DHODH: variants seen among roughly 807,000 people sequenced by gnomAD.
The protein encoded by DHODH is dihydroorotate dehydrogenase (quinone).
Under a neutral mutation model 39.7 loss-of-function variants are expected in DHODH, and 30 were observed. The ratio of observed to expected loss-of-function variants is 0.76; its 90% CI spans 0.57 to 1.02. DHODH has a LOEUF of 1.02. DHODH is among the 50% of genes least tolerant of loss of function. The pLI, the probability that DHODH is intolerant of heterozygous loss-of-function variation, is 0.00. For missense variants in DHODH, 531 were observed against 520.8 expected (o/e 1.02, Z -0.19); for synonymous variants, 222 against 213.8 (o/e 1.04, Z -0.34).
intron 2 of DHODH, 134 bp downstream of exon 2, chr16:72,012,396 C>A: frequency 2.7e-6 from 2 of 750,806 alleles, no homozygotes; most frequent in Non-Finnish European, 4.6e-6. Context: ...TCAGTCTGAG[C>A]ATTATTATTT....
chr16:72,018,068 CTGGCCACAACATGCA>C lies in DHODH; in HGVS notation c.517+964_517+978del, dbSNP rs752067898. Among the ~76,000 whole-genome samples the C allele has an allele frequency of 2.6e-5, 4 of 151,616 alleles. 1 individual carries two copies. The highest frequency in any genetic ancestry group is 3.9e-4 in the East Asian group (2 of 5,168). On this transcript the variant is annotated intron_variant, in intron 4 of 8. Transcript: ENST00000219240. The stretch of plus-strand genomic sequence containing the variant: ...GGATTACAGGCGTGAGCCACCGCGC[CTGGCCACAACATGCA>C]TTTTTGAAGACGCCTCCGGCGATGC...
intron 4 of DHODH, among the ~76,000 whole-genome samples, chr16:72,019,918 G>C (rs558940639): frequency 6.6e-6 from 1 of 152,334 alleles, no homozygotes; most frequent in South Asian, 2.1e-4. Flanking sequence ...AAGGCAAGCG[G>C]ATCATTTGAG....
intron 1 of DHODH, chr16:72,009,000 T>G (rs2041051626): frequency 6.8e-7 from 1 of 1,466,240 alleles, no homozygotes. Flanking sequence ...CCTGCAGGTC[T>G]GGGTGGGTGC....
chr16:72,011,941 T>C, intron 1 of DHODH, 109 bp from the exon 2 acceptor site: 4 of 826,466 alleles, frequency 4.8e-6, no homozygotes, highest in South Asian at 4.4e-5. Flanking sequence ...TAAGGGCGTC[T>C]GTTTCATGTG....
chr16:72,014,687 C>G lies in DHODH; in HGVS notation c.434+15C>G, dbSNP rs745400739. Reference sequence around the variant, plus strand: ...GTCATTAACAGGTAGGTGAGCGGCCCAGAGTTAACGGGGGATGCCCTCTTT... The same window carrying G: ...GTCATTAACAGGTAGGTGAGCGGCCGAGAGTTAACGGGGGATGCCCTCTTT... On this transcript the variant is annotated intron_variant, in intron 3 of 8. Transcript: ENST00000219240. 6.2e-7 allele frequency: 1 copy of G among 1,613,686 alleles called. No individual in the cohort carries two copies. Among genetic ancestry groups the G allele is most frequent in the Non-Finnish European group, 8.5e-7 (1 of 1,179,856 alleles).
rs1238428614 is a variant in DHODH, at chr16:72,024,132, GCT to G, written c.1134-10_1134-9del. 15 of 1,614,148 alleles carry G rather than the reference GCT, an allele frequency of 9.3e-6. No homozygotes were observed. Among genetic ancestry groups the G allele is most frequent in the Non-Finnish European group, 1.3e-5 (15 of 1,180,000 alleles). On this transcript the variant is annotated splice_polypyrimidine_tract_variant and intron_variant, in intron 8 of 8. Coordinates refer to ENST00000219240, the MANE Select transcript of DHODH (RefSeq NM_001361.5). The stretch of plus-strand genomic sequence containing the variant: ...ACTGTTTGCTGAAATTGCTTTGTTT[GCT>G]CTTTTTCCAGAGAGCAGGGCTTTGG...
intron 6 of DHODH, 107 bp from the exon 7 acceptor site, chr16:72,023,058 C>A (rs879211888): frequency 1.9e-6 from 2 of 1,070,162 alleles, no homozygotes; most frequent in South Asian, 1.3e-5. Context: ...GCTTTGGGGG[C>A]TGTAGGTGTG....
chr16:72,013,128 C>A (rs148011690), intron 2 of DHODH, among the ~76,000 whole-genome samples: 4 of 151,996 alleles, frequency 2.6e-5, no homozygotes, highest in African/African-American at 7.3e-5. Flanking sequence ...ATTAAAGGGG[C>A]CTTCACCGCA....
Position 72,023,439 on chromosome 16 carries a change from C to T in DHODH, c.974-35C>T, listed in dbSNP as rs2041244382. On this transcript the variant is annotated intron_variant, in intron 7 of 8. Coordinates refer to ENST00000219240, the MANE Select transcript of DHODH (RefSeq NM_001361.5). ...GGGGACTCTGGGGCTGAAGCCACAT[C>T]CTTCTTTATGGTGTCGCCATGTGCT... is the stretch of plus-strand genomic sequence containing the variant. The T allele has an allele frequency of 6.8e-6, 11 of 1,614,128 alleles. No homozygotes were observed. The South Asian group carries it at 7.7e-5, about 11-fold the overall frequency.
chr16:72,017,167 G>GTTCC, intron 4 of DHODH, 61 bp downstream of exon 4: 2 of 1,532,896 alleles, frequency 1.3e-6, no homozygotes, highest in Non-Finnish European at 9.0e-7. Context: ...TGGGAGAAAT[G>GTTCC]CTGGGAACAT....
chr16:72,014,137 G>A (rs938228200), intron 2 of DHODH, among the ~76,000 whole-genome samples: 10 of 152,274 alleles, frequency 6.6e-5, no homozygotes, highest in Middle Eastern at 3.4e-3. Flanking sequence ...TTGATAAGAA[G>A]GTATGAACCT....
chr16:72,023,634 G>A lies in DHODH; in HGVS notation c.1133+1G>A, dbSNP rs2041248370. On this transcript the variant is annotated splice_donor_variant, in intron 8 of 8. Coordinates refer to ENST00000219240, the MANE Select transcript of DHODH (RefSeq NM_001361.5). LOFTEE classifies it high-confidence loss of function. ...AGCGGGAACTGGAGGCCCTTCTGAA[G>A]TGAGTGAGGTCATGTGTGGCTTGAA... 1 of 1,613,738 alleles carries A rather than the reference G, an allele frequency of 6.2e-7. No homozygotes were observed. The highest frequency in any genetic ancestry group is 2.2e-5 in the East Asian group (1 of 44,882).
At chr16:72,016,822 G>A (rs2041146580) in intron 3 of DHODH, 1 of 574,346 alleles carries the variant, frequency 1.7e-6, no homozygotes, top group Admixed American at 2.4e-5. Context: ...AGCTGGCTGA[G>A]CATTTGCAAA....
chr16:72,013,822 T>G (rs555913205), intron 2 of DHODH: 7 of 154,384 alleles, frequency 4.5e-5, no homozygotes, highest in African/African-American at 1.7e-4. Context: ...TTGGAGCATC[T>G]CTCTTAATCC....
In DHODH at chr16:72,023,223, A is replaced by G. The variant is rs2041241213; in HGVS notation, c.878A>G (p.Gln293Arg). The G allele has an allele frequency of 6.2e-7, 1 of 1,614,066 alleles. No homozygotes were observed. The highest frequency in any genetic ancestry group is 8.5e-7 in the Non-Finnish European group (1 of 1,180,038). ...NTTVSRPAGLQGALRSETGGL... is the reference protein window; with the variant it reads ...NTTVSRPAGLRGALRSETGGL... ...ACCGTGAGTCGCCCTGCGGGCCTCC[A>G]GGGTGCCCTGCGCTCTGAAACAGGA... The change falls in exon 7 of 9, where the codon CAG becomes CGG. Residue 293 changes from glutamine (Q) to arginine (R), a missense_variant. Gln to Arg is a conservative substitution (Grantham distance 43). Transcript: ENST00000219240.
At chr16:72,008,935 A>G (rs2041050788) in intron 1 of DHODH, 150 bp downstream of exon 1, 1 of 1,524,156 alleles carries the variant, frequency 6.6e-7, no homozygotes, top group Non-Finnish European at 8.8e-7. Context: ...GTCTCCTGCA[A>G]ATGCTCGTGC....
At chr16:72,009,105 C>A (rs889914979) in intron 1 of DHODH, 3 of 1,296,614 alleles carry the variant, frequency 2.3e-6, no homozygotes, top group African/African-American at 3.0e-5. Context: ...CCGGATCCAA[C>A]GGGGAATGAA....
rs774907041 is a variant in DHODH, at chr16:72,022,478, T to A, written c.819+3T>A. On this transcript the variant is annotated splice_donor_region_variant and intron_variant, in intron 6 of 8. Coordinates refer to ENST00000219240, the MANE Select transcript of DHODH (RefSeq NM_001361.5). Reference sequence around the variant, plus strand: ...ACATTGCCAGTGTGGTCAAAGAGGTTTGAGTCGGGGCCTGGGCCCAGGGTG... The same window carrying A: ...ACATTGCCAGTGTGGTCAAAGAGGTATGAGTCGGGGCCTGGGCCCAGGGTG... The A allele has an allele frequency of 6.5e-7, 1 of 1,549,952 alleles. No individual in the cohort carries two copies. The highest frequency in any genetic ancestry group is 8.7e-7 in the Non-Finnish European group (1 of 1,146,760).
intron 4 of DHODH, among the ~76,000 whole-genome samples, chr16:72,019,114 CCTGA>C (rs1358022121): frequency 6.6e-6 from 1 of 152,172 alleles, no homozygotes; most frequent in Non-Finnish European, 1.5e-5. Context: ...CACCACCATG[CCTGA>C]CTAATTTTTA....
Sources: gnomAD v4.1 joint callset for allele counts (sites outside exome capture counted in the v4.1 genomes callset) on GRCh38, gnomAD v4.1.1 for gene constraint, MANE v1.5 for transcripts, NCBI Gene and HGNC (gene_info 2026-07-23, HGNC 2026-07-21) for gene names.